Variants in TMEM132E observed in about 807,000 individuals in gnomAD.
The protein encoded by TMEM132E is transmembrane protein 132E.
In TMEM132E, 49 loss-of-function variants were observed where a neutral mutation model predicts 78.5. That is an observed-to-expected ratio of 0.62 (90% CI 0.50 to 0.79). The LOEUF is 0.79. Ranked by LOEUF, TMEM132E falls within the 30% of genes least tolerant of loss-of-function variation. TMEM132E has a pLI of 0.00. For missense variants in TMEM132E, 1,403 were observed against 1,470.9 expected (o/e 0.95, Z 0.75); for synonymous variants, 715 against 670.6 (o/e 1.07, Z -1.02).
At position 34,603,265 on chromosome 17, in the gene TMEM132E, A is replaced by G. The variant is rs1043254162; in HGVS notation, c.67+22122A>G. Among the ~76,000 whole-genome samples the G allele has an allele frequency of 3.9e-5, 6 of 152,188 alleles. No individual in the cohort carries two copies. In the South Asian group the frequency reaches 1.2e-3, roughly 32 times the overall value. On this transcript the variant is annotated intron_variant, in intron 1 of 8. Coordinates refer to ENST00000631683, the MANE Select transcript of TMEM132E (RefSeq NM_001304438.2). ...GTGTAACCTCAGATTCCTCCACTGC[A>G]ATGTTAGGGCCTCTAGGGCAGGAGC...
At chr17:34,631,100 C>T (rs758401951) in intron 5 of TMEM132E, among the ~76,000 whole-genome samples, 20 of 152,190 alleles carry the variant, frequency 1.3e-4, no homozygotes, top group Non-Finnish European at 2.5e-4. Flanking sequence ...GTAAATAATT[C>T]AGCTTGAAGG....
chr17:34,595,615 C>G (rs1189919156), intron 1 of TMEM132E, among the ~76,000 whole-genome samples: 1 of 152,208 alleles, frequency 6.6e-6, no homozygotes, highest in African/African-American at 2.4e-5. Flanking sequence ...ATTCAGGCCC[C>G]TCTCACCTGG....
chr17:34,583,009 C>G (rs977354716), intron 1 of TMEM132E, among the ~76,000 whole-genome samples: 1 of 152,246 alleles, frequency 6.6e-6, no homozygotes, highest in African/African-American at 2.4e-5. Context: ...CCTGCCTGTT[C>G]CTAAGACGCA....
chr17:34,606,238 T>C (rs755591151), intron 1 of TMEM132E, among the ~76,000 whole-genome samples: 1 of 152,108 alleles, frequency 6.6e-6, no homozygotes, highest in Non-Finnish European at 1.5e-5. Context: ...TCCCAGCTAC[T>C]TGAGAGGCTG....
At chr17:34,624,838 A>T (rs1446478176) in intron 1 of TMEM132E, among the ~76,000 whole-genome samples, 1 of 152,190 alleles carries the variant, frequency 6.6e-6, no homozygotes, top group Non-Finnish European at 1.5e-5. Context: ...CAATTTATAG[A>T]GTGCTTTCTT....
chr17:34,631,056 A>C (rs1907332316), intron 5 of TMEM132E, among the ~76,000 whole-genome samples: 1 of 152,190 alleles, frequency 6.6e-6, no homozygotes. Flanking sequence ...CATCAAAATC[A>C]GATGGTTAGA....
At chr17:34,581,675 C>G (rs1367107279) in intron 1 of TMEM132E, among the ~76,000 whole-genome samples, 2 of 151,920 alleles carry the variant, frequency 1.3e-5, no homozygotes, top group Admixed American at 1.3e-4. Flanking sequence ...CTCGCACGCC[C>G]GCGGTCCTGT....
At chr17:34,611,600 C>T (rs1318781358) in intron 1 of TMEM132E, among the ~76,000 whole-genome samples, 1 of 152,048 alleles carries the variant, frequency 6.6e-6, no homozygotes, top group Non-Finnish European at 1.5e-5. Context: ...AGGAAAGAGC[C>T]CATCAGGGAG....
intron 5 of TMEM132E, among the ~76,000 whole-genome samples, chr17:34,632,319 T>C (rs1192577684): frequency 6.6e-6 from 1 of 152,148 alleles, no homozygotes; most frequent in East Asian, 1.9e-4. Context: ...TAGAGGACTC[T>C]ACCTGCCAGA....
intron 6 of TMEM132E, 123 bp downstream of exon 6, chr17:34,633,032 C>A: frequency 1.9e-6 from 2 of 1,079,756 alleles, no homozygotes; most frequent in Non-Finnish European, 2.7e-6. Context: ...GTTGGTTGTG[C>A]AGTCAACAAG....
intron 7 of TMEM132E, among the ~76,000 whole-genome samples, chr17:34,635,629 G>A (rs1196752341): frequency 6.6e-6 from 1 of 152,220 alleles, no homozygotes; most frequent in Non-Finnish European, 1.5e-5. Flanking sequence ...GCTAAAGCCA[G>A]TATTGGTGCC....
rs76156177 is a variant in TMEM132E at position 34,614,971 on chromosome 17, A to G, written c.68-11156A>G. Among the ~76,000 whole-genome samples, 1,479 of 152,274 alleles carry G rather than the reference A, an allele frequency of 9.7e-3. 98 individuals are homozygous for G. The East Asian group carries it at 0.17, about 18-fold the overall frequency. Reference sequence around the variant, plus strand: ...CCCAGCTGATCTCCCAGGACCAGGGAACCTTTCCTTGGCCTCCTCTTGGGA... The same window carrying G: ...CCCAGCTGATCTCCCAGGACCAGGGGACCTTTCCTTGGCCTCCTCTTGGGA... On this transcript the variant is annotated intron_variant, in intron 1 of 8. Transcript: ENST00000631683.
chr17:34,628,790 C>T (rs1907245686), intron 3 of TMEM132E, 81 bp downstream of exon 3: 1 of 1,466,374 alleles, frequency 6.8e-7, no homozygotes, highest in Admixed American at 2.6e-5. Flanking sequence ...AAGGAGGAGG[C>T]TAGGCTTGGG....
At chr17:34,612,122 C>T (rs898808913) in intron 1 of TMEM132E, among the ~76,000 whole-genome samples, 1 of 152,200 alleles carries the variant, frequency 6.6e-6, no homozygotes, top group South Asian at 2.1e-4. Context: ...TCTCAACGCA[C>T]ACACACCTGC....
At chr17:34,596,472 A>G (rs1319215434) in intron 1 of TMEM132E, among the ~76,000 whole-genome samples, 2 of 152,148 alleles carry the variant, frequency 1.3e-5, no homozygotes, top group African/African-American at 4.8e-5. Context: ...CCCTAGTGTC[A>G]TAGAGGATGT....
intron 1 of TMEM132E, among the ~76,000 whole-genome samples, chr17:34,594,656 C>G (rs1333680157): frequency 6.6e-6 from 1 of 152,192 alleles, no homozygotes; most frequent in East Asian, 1.9e-4. Context: ...CTGGCATGAT[C>G]ATAGCTCACT....
chr17:34,626,938 C>T lies in TMEM132E; in HGVS notation c.879C>T (p.Asn293=). 6.2e-7 allele frequency: 1 copy of T among 1,613,770 alleles called. No homozygotes were observed. The highest frequency in any genetic ancestry group is 2.2e-5 in the East Asian group (1 of 44,870). ...TGCAGGAGCACAGGCTGGACAGCAACCTGATGATCCGCCTGCCAGACCGGC... is the reference window on the plus strand; with the variant it reads ...TGCAGGAGCACAGGCTGGACAGCAATCTGATGATCCGCCTGCCAGACCGGC... ...RTLQEHRLDS[N]LMIRLPDRPL... Residue 293 remains asparagine, a synonymous_variant, in exon 2 of 9, where the codon AAC becomes AAT. Coordinates refer to ENST00000631683, the MANE Select transcript of TMEM132E (RefSeq NM_001304438.2).
rs938563074 is a variant in TMEM132E, at chr17:34,629,145, G to C, written c.1279G>C (p.Ala427Pro). 8.1e-6 allele frequency: 13 copies of C among 1,613,914 alleles called. No individual in the cohort carries two copies. Among genetic ancestry groups the C allele is most frequent in the Non-Finnish European group, 1.1e-5 (13 of 1,179,952 alleles). The change falls in exon 4 of 9, where the codon GCA becomes CCA. Residue 427 changes from alanine to proline, a missense_variant. By Grantham distance (27) the Ala-to-Pro change is conservative (BLOSUM62 -1). Around this residue, in one of 3 missense-constraint regions of TMEM132E, gnomAD observed 888 missense variants for 952.8 expected, o/e 0.93. Coordinates refer to ENST00000631683, the MANE Select transcript of TMEM132E (RefSeq NM_001304438.2). ...GHGALPDLER[A>P]VTELTVIQRD... ...CGGCGCCCTGCCTGACCTGGAGCGG[G>C]CAGTCACTGAGCTGACGGTCATTCA...
rs2142089555 is a variant in TMEM132E at position 34,637,783 on chromosome 17, C to T, written c.2776C>T (p.Gln926Ter). ...GCACAAGCGCATCCCGCCCGAGGGC[C>T]AGACCAGCATGGACCACTCTCACCA... Reference protein sequence around the residue: ...YRHKRIPPEGQTSMDHSHHWV... With the variant: ...YRHKRIPPEG The change falls in exon 9 of 9, where the codon CAG becomes TAG. Residue 926 changes from glutamine to a stop codon, truncating the protein, a stop_gained. Transcript: ENST00000631683. LOFTEE classifies it high-confidence loss of function. The T allele has an allele frequency of 6.2e-7, 1 of 1,613,478 alleles. No individual in the cohort carries two copies. The highest frequency in any genetic ancestry group is 8.5e-7 in the Non-Finnish European group (1 of 1,179,966).
Sources: gnomAD v4.1 joint callset for allele counts (sites outside exome capture counted in the v4.1 genomes callset) on GRCh38, gnomAD v4.1.1 for gene constraint, gnomAD v4.1.1 regional missense constraint, MANE v1.5 for transcripts, NCBI Gene and HGNC (gene_info 2026-07-23, HGNC 2026-07-21) for gene names.